Variants in METAP2 observed in about 807,000 individuals in gnomAD.
The protein encoded by METAP2 is methionine aminopeptidase 2.
Under a neutral mutation model 59.4 loss-of-function variants are expected in METAP2, and 25 were observed. That is an observed-to-expected ratio of 0.42 (90% CI 0.31 to 0.59). The LOEUF (loss-of-function observed/expected upper bound fraction) is 0.59. Among genes scored for constraint, METAP2 ranks in the 20% least tolerant of loss-of-function variants. METAP2 has a pLI of 0.16. For synonymous variants in METAP2, 214 were observed against 194.1 expected, an observed-to-expected ratio of 1.10 and a Z score of -0.85; for missense variants, 366 against 581.2, an observed-to-expected ratio of 0.63 and a Z score of 3.81.
intron 8 of METAP2, among the ~76,000 whole-genome samples, chr12:95,505,154 G>A (rs2076348340): frequency 6.6e-6 from 1 of 151,910 alleles, no homozygotes; most frequent in Non-Finnish European, 1.5e-5. Context: ...TTGTTTTCTT[G>A]CCTCTTAGTA....
chr12:95,477,696 C>G (rs938510969), intron 2 of METAP2, among the ~76,000 whole-genome samples: 2 of 152,144 alleles, frequency 1.3e-5, no homozygotes, highest in African/African-American at 4.8e-5. Flanking sequence ...GCACCACCAG[C>G]CTGGGGTTAG....
At chr12:95,506,825 T>TA (rs1452088815) in intron 8 of METAP2, among the ~76,000 whole-genome samples, 2 of 151,960 alleles carry the variant, frequency 1.3e-5, no homozygotes, top group East Asian at 3.9e-4. Context: ...TTTATTTATT[T>TA]ATTGAGACAG....
At chr12:95,511,771 G>A (rs2076404746) in intron 8 of METAP2, 124 bp from the exon 9 acceptor site, 2 of 613,790 alleles carry the variant, frequency 3.3e-6, no homozygotes, top group Admixed American at 3.0e-5. Context: ...CTTAATGTAA[G>A]GTTATTTAGT....
chr12:95,511,413 T>TTG (rs1188048288), intron 8 of METAP2, among the ~76,000 whole-genome samples: 5 of 142,300 alleles, frequency 3.5e-5, no homozygotes, highest in Non-Finnish European at 6.2e-5. Flanking sequence ...TTTTTTTTTT[T>TTG]GAGACGGAGT....
At chr12:95,477,038 A>G (rs1165806753) in intron 2 of METAP2, among the ~76,000 whole-genome samples, 1 of 152,142 alleles carries the variant, frequency 6.6e-6, no homozygotes, top group Non-Finnish European at 1.5e-5. Context: ...CATAGCTAAT[A>G]TGTGTAGAAT....
In METAP2 at chr12:95,489,249, A is replaced by G. The variant is rs539021047; in HGVS notation, c.428+3268A>G. ...GAACACTTGAAGTGGTATTTAATAC[A>G]TGAAAAAAATGAGATTTTGTAAACT... On this transcript the variant is annotated intron_variant, in intron 4 of 10. Transcript: ENST00000323666. Among the ~76,000 whole-genome samples, 29 of 150,592 alleles carry G rather than the reference A, an allele frequency of 1.9e-4. 1 individual carries two copies. In the South Asian group the frequency reaches 6.2e-3, roughly 32 times the overall value.
Position 95,474,208 on chromosome 12 carries a change from C to T in METAP2, c.29C>T (p.Ser10Phe). 6.2e-7 allele frequency: 1 copy of T among 1,614,150 alleles called. No homozygotes were observed. The highest frequency in any genetic ancestry group is 8.5e-7 in the Non-Finnish European group (1 of 1,180,006). Residue 10 changes from serine (S) to phenylalanine (F), a missense_variant, in exon 1 of 11, where the codon TCC becomes TTC. Coordinates refer to ENST00000323666, the MANE Select transcript of METAP2 (RefSeq NM_006838.4). MAGVEEVAA[S>F]GSHLNGDLDP... is the part of the protein sequence containing the mutation. ...GCGGGTGTGGAGGAGGTAGCGGCCT[C>T]CGGGAGCCACCTGAATGGCGACCTG...
At chr12:95,485,832 ATTTTAT>A (rs1486888259) in intron 3 of METAP2, 41 bp from the exon 4 acceptor site, 4 of 1,288,018 alleles carry the variant, frequency 3.1e-6, no homozygotes, top group East Asian at 5.4e-5. Flanking sequence ...TAACTGCTTA[ATTTTAT>A]TTTTAACTAC....
intron 3 of METAP2, among the ~76,000 whole-genome samples, chr12:95,484,221 C>T (rs995136493): frequency 2.0e-5 from 3 of 151,792 alleles, no homozygotes; most frequent in East Asian, 1.9e-4. Context: ...TAGTGATTCC[C>T]CTGGTCTCCA....
At chr12:95,490,409 T>C (rs1014891543) in intron 4 of METAP2, among the ~76,000 whole-genome samples, 1 of 151,510 alleles carries the variant, frequency 6.6e-6, no homozygotes, top group Non-Finnish European at 1.5e-5. Context: ...TTATTGGTGA[T>C]ATTTAATTTT....
chr12:95,497,609 A>G (rs1270765133), intron 7 of METAP2, among the ~76,000 whole-genome samples: 1 of 152,174 alleles, frequency 6.6e-6, no homozygotes, highest in Non-Finnish European at 1.5e-5. Flanking sequence ...TTTGGGAATC[A>G]TCTGGTAATT....
At chr12:95,489,242 T>A (rs1223822693) in intron 4 of METAP2, among the ~76,000 whole-genome samples, 1 of 150,786 alleles carries the variant, frequency 6.6e-6, no homozygotes, top group Non-Finnish European at 1.5e-5. Context: ...GAAGTGGTAT[T>A]TAATACATGA....
chr12:95,507,110 G>A (rs2076367200), intron 8 of METAP2, among the ~76,000 whole-genome samples: 2 of 152,096 alleles, frequency 1.3e-5, no homozygotes, highest in Non-Finnish European at 2.9e-5. Flanking sequence ...AGGAGGTGTG[G>A]GATAATGAAG....
chr12:95,490,569 T>A (rs2076230454), intron 4 of METAP2, among the ~76,000 whole-genome samples: 1 of 47,292 alleles, frequency 2.1e-5, no homozygotes, highest in Non-Finnish European at 3.6e-5. Flanking sequence ...AGCCTGTATT[T>A]TTTTTTTTTT....
intron 4 of METAP2, among the ~76,000 whole-genome samples, chr12:95,493,707 A>G (rs867556201): frequency 2.0e-5 from 3 of 152,354 alleles, no homozygotes; most frequent in Middle Eastern, 3.4e-3. Context: ...TAAAGTATAT[A>G]TGACCTCAAG....
At chr12:95,480,237 T>A (rs1013683377) in intron 2 of METAP2, among the ~76,000 whole-genome samples, 1 of 152,266 alleles carries the variant, frequency 6.6e-6, no homozygotes, top group Non-Finnish European at 1.5e-5. Flanking sequence ...CACATTCCTT[T>A]TTATTGCAAG....
In METAP2 at chr12:95,495,065, T is replaced by G; in HGVS notation, c.699T>G (p.Thr233=). The G allele has an allele frequency of 6.2e-7, 1 of 1,613,602 alleles. No individual in the cohort carries two copies. The highest frequency in any genetic ancestry group is 8.5e-7 in the Non-Finnish European group (1 of 1,179,576). The change falls in exon 6 of 11, where the codon ACT becomes ACG. Residue 233 remains threonine (T), a synonymous_variant. Coordinates refer to ENST00000323666, the MANE Select transcript of METAP2 (RefSeq NM_006838.4). ...CSLNNCAAHY[T]PNAGDTTVLQ... is the part of the protein sequence containing the mutation. ...TCAATAATTGTGCTGCCCATTATAC[T>G]CCCAATGCCGGTGACACAACAGTAT...
intron 3 of METAP2, chr12:95,484,833 T>G (rs1468852727): frequency 4.4e-6 from 2 of 455,586 alleles, no homozygotes; most frequent in Non-Finnish European, 8.8e-6. Flanking sequence ...ACTAAAGGGC[T>G]TAGAGCCAAA....
intron 7 of METAP2, among the ~76,000 whole-genome samples, chr12:95,503,509 G>C (rs2076331931): frequency 6.6e-6 from 1 of 152,166 alleles, no homozygotes; most frequent in African/African-American, 2.4e-5. Flanking sequence ...ACAGGGGTGT[G>C]TAAGCGCTGA....
Sources: allele counts gnomAD v4.1 joint callset (sites outside exome capture counted in the v4.1 genomes callset), GRCh38; gene constraint gnomAD v4.1.1; transcripts MANE v1.5; gene names NCBI Gene and HGNC (gene_info 2026-07-23, HGNC 2026-07-21).